The following NRXN3 variants were observed in gnomAD, a reference collection of about 807,000 sequenced individuals.
NRXN3 encodes neurexin 3, also known as neurexin III.
NRXN3 carries 32 observed loss-of-function variants against 137.6 expected under a neutral mutation model. The observed-to-expected ratio is 0.23, with a 90% CI of 0.18 to 0.31. The LOEUF is 0.31. NRXN3 is among the 10% of genes least tolerant of loss of function. NRXN3 has a pLI of 1.00. For synonymous variants in NRXN3, 798 were observed against 784.5 expected (o/e 1.02, Z -0.29); for missense variants, 1,574 against 2,062.5 (o/e 0.76, Z 4.59).
intron 4 of NRXN3, among the ~76,000 whole-genome samples, chr14:78,595,827 C>T (rs1217020458): frequency 6.6e-6 from 1 of 152,052 alleles, no homozygotes; most frequent in East Asian, 1.9e-4. Context: ...AATAACTCAT[C>T]AAACTATTCC....
chr14:78,717,682 G>A (rs2113574), intron 8 of NRXN3, among the ~76,000 whole-genome samples: 139,101 of 152,200 alleles, frequency 0.91, 63,869 homozygotes, highest in Admixed American at 0.96. Context: ...CCTGCAGGAA[G>A]TTGACATATA....
At chr14:79,171,305 C>G (rs1369203844) in intron 15 of NRXN3, among the ~76,000 whole-genome samples, 2 of 152,108 alleles carry the variant, frequency 1.3e-5, no homozygotes, top group East Asian at 3.9e-4. Context: ...ACCCAAAACT[C>G]TCTGTCTTAA....
chr14:79,768,888 G>T (rs2099066358), intron 19 of NRXN3, among the ~76,000 whole-genome samples: 1 of 151,460 alleles, frequency 6.6e-6, no homozygotes, highest in Non-Finnish European at 1.5e-5. Context: ...AAATTTAGAA[G>T]AATGTATAAC....
chr14:78,480,160 C>T (rs536442819), intron 4 of NRXN3, among the ~76,000 whole-genome samples: 1 of 151,912 alleles, frequency 6.6e-6, no homozygotes, highest in East Asian at 1.9e-4. Flanking sequence ...AACAAAAAAC[C>T]CAAAAAAGAA....
intron 15 of NRXN3, among the ~76,000 whole-genome samples, chr14:79,141,483 T>C (rs1204412032): frequency 1.3e-5 from 2 of 152,190 alleles, no homozygotes; most frequent in Non-Finnish European, 2.9e-5. Flanking sequence ...CCTTGATATA[T>C]TGAGGGCAAA....
chr14:78,905,929 C>T (rs1277192633), intron 10 of NRXN3, among the ~76,000 whole-genome samples: 1 of 151,726 alleles, frequency 6.6e-6, no homozygotes, highest in Non-Finnish European at 1.5e-5. Flanking sequence ...AAAGAACATA[C>T]GATTTGGTGG....
At chr14:79,438,097 C>A (rs2095872434) in intron 15 of NRXN3, among the ~76,000 whole-genome samples, 1 of 152,144 alleles carries the variant, frequency 6.6e-6, no homozygotes, top group African/African-American at 2.4e-5. Context: ...GCTGGAAAAA[C>A]TCGGGTAGGT....
intron 15 of NRXN3, among the ~76,000 whole-genome samples, chr14:79,189,386 G>A: frequency 8.5e-6 from 1 of 117,350 alleles, no homozygotes; most frequent in Non-Finnish European, 1.7e-5. Flanking sequence ...GGGGACTGTT[G>A]TGGGGTGGGG....
At position 79,861,894 on chromosome 14, in the gene NRXN3, A is replaced by G. The variant is rs2099414415; in HGVS notation, c.4646A>G (p.Lys1549Arg). Residue 1549 changes from lysine to arginine, a missense_variant, in exon 21 of 21, where the codon AAG becomes AGG. By Grantham distance (26) the Lys-to-Arg change is conservative. This residue lies in a region of NRXN3 where 320 missense variants were observed against 387.1 expected (regional missense o/e 0.83). Coordinates refer to ENST00000335750, the MANE Select transcript of NRXN3 (RefSeq NM_001330195.2). The surrounding 1 kb of genome is among the most constrained non-coding windows in gnomAD (Gnocchi z 5.4). ...GCCCAGAGCAACGGCACGCTCATGA[A>G]GGAGAAGCAGCAGAGCTCGAAGAGC... ...NSAQSNGTLM[K>R]EKQQSSKSGH... is the part of the protein sequence containing the mutation. 2 of 1,613,982 alleles carry G rather than the reference A, an allele frequency of 1.2e-6. No homozygotes were observed. The highest frequency in any genetic ancestry group is 2.7e-5 in the African/African-American group (2 of 74,932).
At chr14:78,581,249 G>A (rs28445102) in intron 4 of NRXN3, among the ~76,000 whole-genome samples, 1,764 of 152,216 alleles carry the variant, frequency 0.012, 36 homozygotes, top group African/African-American at 0.041. Context: ...TTGTGCTGCT[G>A]GAACAAAATA....
intron 8 of NRXN3, among the ~76,000 whole-genome samples, chr14:78,740,779 T>A (rs2098564483): frequency 1.3e-5 from 2 of 152,204 alleles, no homozygotes; most frequent in Admixed American, 6.5e-5. Context: ...AGTGATAATT[T>A]TCTTCTCTGA....
At chr14:78,957,604 T>C (rs890086166) in intron 11 of NRXN3, among the ~76,000 whole-genome samples, 1 of 152,198 alleles carries the variant, frequency 6.6e-6, no homozygotes, top group Non-Finnish European at 1.5e-5. Flanking sequence ...GTCTCTCTCC[T>C]TAGGCGTAGA....
chr14:79,365,643 C>T (rs2093852157), intron 15 of NRXN3, among the ~76,000 whole-genome samples: 1 of 142,918 alleles, frequency 7.0e-6, no homozygotes, highest in African/African-American at 2.6e-5. Flanking sequence ...GGCATGAACC[C>T]GGGAAGCGGA....
At chr14:78,912,272 C>T (rs1242774076) in intron 10 of NRXN3, among the ~76,000 whole-genome samples, 2 of 150,456 alleles carry the variant, frequency 1.3e-5, no homozygotes, top group African/African-American at 4.9e-5. Context: ...TTTTATTAGC[C>T]ACCAGGAAGC....
intron 4 of NRXN3, among the ~76,000 whole-genome samples, chr14:78,643,063 G>T (rs991919657): frequency 6.6e-6 from 1 of 152,220 alleles, no homozygotes; most frequent in Admixed American, 6.5e-5. Flanking sequence ...ACTCCCTGGA[G>T]TATGAAGCTG....
intron 15 of NRXN3, chr14:79,279,490 G>T: frequency 2.0e-6 from 2 of 986,112 alleles, no homozygotes; most frequent in Non-Finnish European, 2.4e-6. Context: ...CGCTGATTTC[G>T]CCCACCCACC....
intron 4 of NRXN3, among the ~76,000 whole-genome samples, chr14:78,428,829 C>T (rs1458102176): frequency 6.6e-6 from 1 of 152,132 alleles, no homozygotes; most frequent in Non-Finnish European, 1.5e-5. Context: ...TTGCATGAAG[C>T]CTATGCACAG....
intron 15 of NRXN3, among the ~76,000 whole-genome samples, chr14:79,277,240 C>T (rs1041278750): frequency 1.3e-5 from 2 of 152,088 alleles, no homozygotes; most frequent in Non-Finnish European, 2.9e-5. Context: ...TGAGAAAAAA[C>T]TTCCCACGAT....
intron 15 of NRXN3, among the ~76,000 whole-genome samples, chr14:79,181,357 T>C (rs748928196): frequency 6.6e-6 from 1 of 152,000 alleles, no homozygotes; most frequent in African/African-American, 2.4e-5. Context: ...ACTAGGGTAA[T>C]ATAAAATATA....
Sources: allele counts gnomAD v4.1 joint callset (sites outside exome capture counted in the v4.1 genomes callset), GRCh38; gene constraint gnomAD v4.1.1; regional missense constraint gnomAD v4.1.1; non-coding constraint Gnocchi (gnomAD v3.1); transcripts MANE v1.5; gene names NCBI Gene and HGNC (gene_info 2026-07-23, HGNC 2026-07-21).